Variants in DNAH3 observed in about 807,000 individuals in gnomAD.
DNAH3 encodes the protein axonemal beta dynein heavy chain 3.
A neutral mutation model predicts 432.5 loss-of-function variants in DNAH3; 332 were observed. That is an observed-to-expected ratio of 0.77 (90% CI 0.70 to 0.84). The LOEUF (loss-of-function observed/expected upper bound fraction) is 0.84. Among genes scored for constraint, DNAH3 ranks in the 40% least tolerant of loss-of-function variants. The pLI, the probability that DNAH3 is intolerant of heterozygous loss-of-function variation, is 0.00. For synonymous variants in DNAH3, 1,956 were observed against 1,900.2 expected (o/e 1.03, Z -0.76); for missense variants, 4,861 against 5,114.0 (o/e 0.95, Z 1.51).
intron 61 of DNAH3, 138 bp from the exon 62 acceptor site, chr16:20,933,645 G>C: frequency 1.5e-6 from 1 of 674,910 alleles, no homozygotes; most frequent in South Asian, 2.0e-5. Flanking sequence ...GGACAATGGG[G>C]CTTCTGTGAT....
chr16:21,017,620 G>A (rs913594335), intron 41 of DNAH3, among the ~76,000 whole-genome samples: 4 of 152,142 alleles, frequency 2.6e-5, no homozygotes, highest in Admixed American at 6.5e-5. Context: ...CACCTTGGGC[G>A]CATGTTTGTT....
chr16:21,068,752 T>C (rs927293568), intron 23 of DNAH3, among the ~76,000 whole-genome samples: 3 of 152,182 alleles, frequency 2.0e-5, no homozygotes, highest in South Asian at 2.1e-4. Context: ...ATGTGGGTAA[T>C]TGTTGGAATT....
chr16:21,065,027 T>C (rs1567727492), intron 24 of DNAH3, among the ~76,000 whole-genome samples: 1 of 152,140 alleles, frequency 6.6e-6, no homozygotes, highest in Non-Finnish European at 1.5e-5. Flanking sequence ...ATCATTATTT[T>C]CTCATTTATA....
chr16:21,019,797 C>T lies in DNAH3; in HGVS notation c.5849G>A (p.Trp1950Ter). Reference sequence around the variant, plus strand: ...GGAAAAGAGAAACAGTCCTTGGAGCCAGAGAAAGATCTGTTGACTTGACAG... The same window carrying T: ...GGAAAAGAGAAACAGTCCTTGGAGCTAGAGAAAGATCTGTTGACTTGACAG... The change falls in exon 41 of 62, where the codon TGG (tryptophan) becomes TAG (stop). Residue 1950 changes from tryptophan (W) to a stop codon, truncating the protein, a stop_gained. Transcript: ENST00000261383. LOFTEE classifies it high-confidence loss of function. 6.2e-7 allele frequency: 1 copy of T among 1,614,114 alleles called. No individual in the cohort carries two copies. The highest frequency in any genetic ancestry group is 8.5e-7 in the Non-Finnish European group (1 of 1,180,026).
chr16:21,159,338 C>G (rs1363770086), exon 1 of DNAH3: 4 of 1,613,980 alleles, frequency 2.5e-6, no homozygotes, highest in Non-Finnish European at 3.4e-6. Context: ...CATTTCACTC[C>G]CTTCCTCCTC....
intron 1 of DNAH3, chr16:21,159,292 CTG>C (rs2092934464): frequency 1.9e-6 from 3 of 1,574,646 alleles, no homozygotes; most frequent in Non-Finnish European, 1.7e-6. Flanking sequence ...TATTCAGTCT[CTG>C]TGCCTTCTGG....
At chr16:21,151,762 C>T (rs2092855293) in intron 1 of DNAH3, among the ~76,000 whole-genome samples, 1 of 152,146 alleles carries the variant, frequency 6.6e-6, no homozygotes, top group Non-Finnish European at 1.5e-5. Flanking sequence ...TCAAAAGTAA[C>T]AATATTAGCT....
At chr16:21,110,586 C>G (rs1198125056) in intron 14 of DNAH3, among the ~76,000 whole-genome samples, 1 of 152,206 alleles carries the variant, frequency 6.6e-6, no homozygotes, top group Non-Finnish European at 1.5e-5. Flanking sequence ...AACTTTTCAA[C>G]ATGTGAGCCA....
chr16:21,008,609 C>T (rs191326035), intron 41 of DNAH3, among the ~76,000 whole-genome samples: 17 of 152,320 alleles, frequency 1.1e-4, no homozygotes, highest in African/African-American at 3.6e-4. Context: ...CCTCCAGCAT[C>T]ACACAGGGGC....
At chr16:21,111,047 T>G (rs1215423377) in intron 14 of DNAH3, among the ~76,000 whole-genome samples, 5 of 152,074 alleles carry the variant, frequency 3.3e-5, no homozygotes, top group Admixed American at 6.6e-5. Flanking sequence ...CCAGCCATGA[T>G]GGTGGATGCC....
intron 1 of DNAH3, chr16:21,159,249 A>G: frequency 1.6e-6 from 2 of 1,288,086 alleles, no homozygotes; most frequent in Non-Finnish European, 2.3e-6. Flanking sequence ...CCAAATTAAT[A>G]ACTAAGTACT....
chr16:20,983,487 G>A (rs528408895), intron 48 of DNAH3, among the ~76,000 whole-genome samples: 10 of 152,222 alleles, frequency 6.6e-5, no homozygotes, highest in Admixed American at 2.6e-4. Context: ...TTCGGGTCAC[G>A]TAGCCAGTGT....
Position 20,988,200 on chromosome 16 carries a change from C to T in DNAH3, c.6602-135G>A, listed in dbSNP as rs1017107480. The T allele has an allele frequency of 5.2e-6, 5 of 960,082 alleles. 1 individual carries two copies. Among genetic ancestry groups the T allele is most frequent in the South Asian group, 5.0e-5 (3 of 59,562 alleles). The allele number at this position is 960,082 out of a possible 1,614,324, so 59.5% of individuals were successfully genotyped here. A position where few individuals can be genotyped will look rare whatever the true frequency, so the allele number is the denominator to read the frequency against. ...GAGCTGTGCTGTGCAATATGGCAAC[C>T]TCTAGCCACCTGCAGCAAATTTAAA... On this transcript the variant is annotated intron_variant, in intron 44 of 61. Transcript: ENST00000261383.
At chr16:21,076,554 G>T (rs1597322287) in intron 20 of DNAH3, among the ~76,000 whole-genome samples, 2 of 152,224 alleles carry the variant, frequency 1.3e-5, no homozygotes, top group Middle Eastern at 6.8e-3. Context: ...CACGCTAAAT[G>T]GCATGTAATC....
intron 25 of DNAH3, 37 bp downstream of exon 25, chr16:21,062,438 CTCTGTTA>C (rs769781796): frequency 1.9e-6 from 3 of 1,545,906 alleles, no homozygotes; most frequent in Non-Finnish European, 2.7e-6. Context: ...CTCTGATTTA[CTCTGTTA>C]TGGAGAAAAG....
chr16:21,074,822 A>T (rs1014663124), intron 21 of DNAH3, among the ~76,000 whole-genome samples: 2 of 152,126 alleles, frequency 1.3e-5, no homozygotes, highest in East Asian at 3.8e-4. Flanking sequence ...CCTACCTCAC[A>T]CCCTATCCCA....
Position 21,022,115 on chromosome 16 carries a change from C to G in DNAH3, c.5647-15G>C. On this transcript the variant is annotated splice_polypyrimidine_tract_variant and intron_variant, in intron 39 of 61. Transcript: ENST00000261383. ...ATGTCATTGACCTGAGAGTAGAAAC[C>G]TCCATGAGACTTGGAGACATGATCA... 6.2e-7 allele frequency: 1 copy of G among 1,613,574 alleles called. No homozygotes were observed. The highest frequency in any genetic ancestry group is 8.5e-7 in the Non-Finnish European group (1 of 1,179,812).
At chr16:21,146,066 T>C in exon 2 of DNAH3, 1 of 1,613,578 alleles carries the variant, frequency 6.2e-7, no homozygotes, top group Non-Finnish European at 8.5e-7. Flanking sequence ...GCTCATGTGA[T>C]GTATGGAGTC....
chr16:21,063,813 A>G (rs1443508922), intron 24 of DNAH3, among the ~76,000 whole-genome samples: 1 of 152,138 alleles, frequency 6.6e-6, no homozygotes, highest in Non-Finnish European at 1.5e-5. Context: ...GAGTACTGGG[A>G]CTGTAAATGT....
Sources: allele counts gnomAD v4.1 joint callset (sites outside exome capture counted in the v4.1 genomes callset), GRCh38; gene constraint gnomAD v4.1.1; transcripts MANE v1.5; gene names NCBI Gene and HGNC (gene_info 2026-07-23, HGNC 2026-07-21).